Variants in SLC28A3 observed in about 807,000 individuals in gnomAD.
The protein encoded by SLC28A3 is concentrative Na(+)-nucleoside cotransporter 3.
SLC28A3 carries 68 observed loss-of-function variants against 84.2 expected under a neutral mutation model. The observed-to-expected ratio is 0.81, with a 90% CI of 0.66 to 0.99. The LOEUF (loss-of-function observed/expected upper bound fraction) is 0.99. SLC28A3 is among the 50% of genes least tolerant of loss of function. The probability of loss-of-function intolerance (pLI) is 0.00; values close to 1 mark genes in which losing one functional copy is unlikely to be tolerated. For missense variants in SLC28A3, 712 were observed against 841.5 expected, an observed-to-expected ratio of 0.85 and a Z score of 1.90; for synonymous variants, 267 against 303.6, an observed-to-expected ratio of 0.88 and a Z score of 1.25.
At chr9:84,365,180 T>C in the SLC28A3 span, among the ~76,000 whole-genome samples, 2 of 152,196 alleles carry the variant, frequency 1.3e-5, no homozygotes, top group Non-Finnish European at 2.9e-5. Flanking sequence ...CTCACCAGCA[T>C]TTGTTATTGC....
chr9:84,307,462 A>AAC (rs1825841758), intron 3 of SLC28A3, among the ~76,000 whole-genome samples: 3 of 152,066 alleles, frequency 2.0e-5, no homozygotes, highest in African/African-American at 7.2e-5. Flanking sequence ...CAAAAACAAA[A>AAC]AGAAAGAATA....
At chr9:84,349,483 C>T in the SLC28A3 span, among the ~76,000 whole-genome samples, 403 of 152,324 alleles carry the variant, frequency 2.6e-3, 3 homozygotes, top group African/African-American at 9.3e-3. Context: ...GTGATCTGTC[C>T]GCCTTGGCCT....
intron 11 of SLC28A3, among the ~76,000 whole-genome samples, chr9:84,288,932 CCT>C (rs1158964361): frequency 1.3e-5 from 2 of 152,066 alleles, no homozygotes; most frequent in Non-Finnish European, 2.9e-5. Flanking sequence ...TGTATATTCT[CCT>C]CTCTCCATCT....
At chr9:84,311,678 C>T (rs575314586) in intron 2 of SLC28A3, among the ~76,000 whole-genome samples, 12 of 145,434 alleles carry the variant, frequency 8.3e-5, no homozygotes, top group South Asian at 4.3e-4. Context: ...GGTGAAACCC[C>T]GTCTCTACTA....
intron 1 of SLC28A3, among the ~76,000 whole-genome samples, chr9:84,320,229 A>G (rs1261665027): frequency 6.1e-5 from 9 of 147,588 alleles, no homozygotes; most frequent in East Asian, 2.0e-4. Flanking sequence ...TTTTTTTTGT[A>G]TTTTTAGTAG....
intron 14 of SLC28A3, among the ~76,000 whole-genome samples, chr9:84,282,927 G>T (rs756788797): frequency 2.0e-5 from 3 of 152,082 alleles, no homozygotes; most frequent in African/African-American, 7.2e-5. Flanking sequence ...TTCCATCAGC[G>T]CGCATATAGC....
At chr9:84,334,675 C>T (rs1341751226) in intron 1 of SLC28A3, among the ~76,000 whole-genome samples, 1 of 151,756 alleles carries the variant, frequency 6.6e-6, no homozygotes, top group Non-Finnish European at 1.5e-5. Context: ...CTGCCTTTGC[C>T]TGCCCTAGGT....
chr9:84,312,633 G>C (rs1438012865), intron 2 of SLC28A3, among the ~76,000 whole-genome samples: 1 of 150,768 alleles, frequency 6.6e-6, no homozygotes, highest in Non-Finnish European at 1.5e-5. Flanking sequence ...CTACCTCCTG[G>C]GTTCAAGTGA....
Position 84,321,529 on chromosome 9 carries a change from C to T in SLC28A3, c.61-8075G>A, listed in dbSNP as rs188502472. Among the ~76,000 whole-genome samples the T allele has an allele frequency of 6.2e-3, 935 of 150,144 alleles. 5 individuals are homozygous for T. Among genetic ancestry groups the T allele is most frequent in the African/African-American group, 0.02 (826 of 40,854 alleles). ...AGGGCGGATCACGAGGTCAGGAGATCGAGACCATCCTGGCTAACATGGTGA... is the reference window on the plus strand; with the variant it reads ...AGGGCGGATCACGAGGTCAGGAGATTGAGACCATCCTGGCTAACATGGTGA... On this transcript the variant is annotated intron_variant, in intron 1 of 17. Transcript: ENST00000376238.
At chr9:84,324,850 CT>C (rs1258129793) in intron 1 of SLC28A3, among the ~76,000 whole-genome samples, 1 of 152,098 alleles carries the variant, frequency 6.6e-6, no homozygotes, top group African/African-American at 2.4e-5. Context: ...GCAGATTTGC[CT>C]GTCTTGGCCC....
intron 6 of SLC28A3, among the ~76,000 whole-genome samples, chr9:84,298,379 C>T (rs773681879): frequency 4.3e-4 from 64 of 149,254 alleles, no homozygotes; most frequent in Non-Finnish European, 7.8e-4. Flanking sequence ...CCCAGCTACT[C>T]GGGAGGCTGA....
chr9:84,323,580 G>A (rs1268061775), intron 1 of SLC28A3, among the ~76,000 whole-genome samples: 1 of 151,874 alleles, frequency 6.6e-6, no homozygotes, highest in African/African-American at 2.4e-5. Flanking sequence ...GTGTGCCACT[G>A]TGCCCGGCTA....
rs1022793824 is a variant in SLC28A3, at chr9:84,283,355, T to G, written c.1647+1990A>C. On this transcript the variant is annotated intron_variant, in intron 14 of 17. Coordinates refer to ENST00000376238, the MANE Select transcript of SLC28A3 (RefSeq NM_001199633.2). ...AGGATGGTCATTTTAACACTATCTA[T>G]CTCTGATAGTGAAAAAACAGATAAC... Among the ~76,000 whole-genome samples, 4 of 152,248 alleles carry G rather than the reference T, an allele frequency of 2.6e-5. No individual in the cohort carries two copies. The South Asian group carries it at 8.3e-4, about 31-fold the overall frequency.
the SLC28A3 span, among the ~76,000 whole-genome samples, chr9:84,348,740 C>T: frequency 0.018 from 2,704 of 152,164 alleles, 37 homozygotes; most frequent in African/African-American, 0.021. Flanking sequence ...TTAGTTATCC[C>T]AAGAGTGGGT....
intron 9 of SLC28A3, among the ~76,000 whole-genome samples, chr9:84,293,192 T>C (rs1181585641): frequency 6.6e-6 from 1 of 152,196 alleles, no homozygotes. Flanking sequence ...AGTTTAGTTG[T>C]TTTGTCAAAG....
intron 2 of SLC28A3, among the ~76,000 whole-genome samples, chr9:84,311,375 C>T (rs560569987): frequency 6.6e-6 from 1 of 152,198 alleles, no homozygotes; most frequent in African/African-American, 2.4e-5. Flanking sequence ...TCACCTTCCC[C>T]ACTATCAAAT....
intron 11 of SLC28A3, among the ~76,000 whole-genome samples, chr9:84,289,032 T>A (rs987114370): frequency 6.6e-6 from 1 of 152,238 alleles, no homozygotes; most frequent in Admixed American, 6.5e-5. Flanking sequence ...TTCTGTTTTC[T>A]TTATTGCAGG....
At chr9:84,296,626 G>T (rs1250333030) in intron 8 of SLC28A3, among the ~76,000 whole-genome samples, 4 of 152,220 alleles carry the variant, frequency 2.6e-5, no homozygotes, top group Non-Finnish European at 5.9e-5. Flanking sequence ...GCCAGCCATG[G>T]GGCCAAGCTG....
At chr9:84,309,578 A>G (rs1564163245) in intron 3 of SLC28A3, 51 bp downstream of exon 3, 2 of 1,444,952 alleles carry the variant, frequency 1.4e-6, no homozygotes. Context: ...ACAAAGTAAT[A>G]AAACCAAACG....
Sources: gnomAD v4.1 joint callset for allele counts (sites outside exome capture counted in the v4.1 genomes callset) on GRCh38, gnomAD v4.1.1 for gene constraint, MANE v1.5 for transcripts, NCBI Gene and HGNC (gene_info 2026-07-23, HGNC 2026-07-21) for gene names.